SLC4A4: variants seen among roughly 807,000 people sequenced by gnomAD.
SLC4A4 encodes electrogenic sodium bicarbonate cotransporter 1.
A neutral mutation model predicts 111.5 loss-of-function variants in SLC4A4; 27 were observed. The observed-to-expected ratio is 0.24, with a 90% CI of 0.18 to 0.33. The LOEUF (loss-of-function observed/expected upper bound fraction) is 0.33, where lower values mean the gene tolerates loss of function less well. Among genes scored for constraint, SLC4A4 ranks in the 10% least tolerant of loss-of-function variants. The pLI is 1.00. For synonymous variants in SLC4A4, 443 were observed against 463.4 expected, an observed-to-expected ratio of 0.96 and a Z score of 0.57; for missense variants, 909 against 1,315.5, an observed-to-expected ratio of 0.69 and a Z score of 4.78.
intron 16 of SLC4A4, among the ~76,000 whole-genome samples, chr4:71,500,390 C>T (rs1229411075): frequency 6.6e-6 from 1 of 152,084 alleles, no homozygotes; most frequent in East Asian, 1.9e-4. Flanking sequence ...TAATCTTTGC[C>T]CAGACTAATG....
chr4:71,508,790 C>A (rs1011972063), intron 16 of SLC4A4, among the ~76,000 whole-genome samples: 3 of 152,170 alleles, frequency 2.0e-5, no homozygotes, highest in African/African-American at 7.2e-5. Context: ...CAAAACCTGG[C>A]AGAGATACAA....
chr4:71,276,297 C>G (rs1267933057), intron 3 of SLC4A4, among the ~76,000 whole-genome samples: 1 of 152,112 alleles, frequency 6.6e-6, no homozygotes, highest in Admixed American at 6.5e-5. Context: ...GACATTGGTA[C>G]GATGTGTGAC....
intron 2 of SLC4A4, among the ~76,000 whole-genome samples, chr4:71,100,821 T>G (rs1170352554): frequency 6.6e-6 from 1 of 152,008 alleles, no homozygotes; most frequent in Non-Finnish European, 1.5e-5. Context: ...GAGAGCCAAA[T>G]GAGGAAGACA....
Position 71,397,596 on chromosome 4 carries a change from T to C in SLC4A4, c.750T>C (p.His250=), listed in dbSNP as rs1719943900. 2 of 1,613,812 alleles carry C rather than the reference T, an allele frequency of 1.2e-6. No individual in the cohort carries two copies. Among genetic ancestry groups the C allele is most frequent in the Admixed American group, 1.7e-5 (1 of 59,992 alleles). The part of the protein sequence containing the change: ...NPDNGSPAMT[H]RNLTSSSLND... ...TTCCAGGTAGCCCAGCCATGACCCA[T>C]AGGAATCTGACTTCCTCCAGTCTGA... Residue 250 remains histidine (H), a synonymous_variant, in exon 7 of 26, where the codon CAT becomes CAC. Coordinates refer to ENST00000264485, the MANE Select transcript of SLC4A4 (RefSeq NM_001098484.3).
At chr4:71,246,850 C>T (rs1181554331) in intron 2 of SLC4A4, among the ~76,000 whole-genome samples, 1 of 152,082 alleles carries the variant, frequency 6.6e-6, no homozygotes, top group Non-Finnish European at 1.5e-5. Flanking sequence ...CACTAGGAGT[C>T]CTAGTCTCTA....
At chr4:71,145,822 T>G (rs978070519) in intron 2 of SLC4A4, among the ~76,000 whole-genome samples, 25 of 152,346 alleles carry the variant, frequency 1.6e-4, no homozygotes, top group African/African-American at 6.0e-4. Context: ...CTTGCGTCTA[T>G]TTGATTCTTC....
rs537197059 is a variant in SLC4A4 at position 71,075,710 on chromosome 4, C to T, written c.-65+12922C>T. Reference sequence around the variant, plus strand: ...CACGGCCGGGCGCGGTGGCTCACGCCTGTAATCCCAGCATTTTGGGAGGCC... The same window carrying T: ...CACGGCCGGGCGCGGTGGCTCACGCTTGTAATCCCAGCATTTTGGGAGGCC... On this transcript the variant is annotated intron_variant, in intron 1 of 26. Coordinates refer to the SLC4A4 transcript ENST00000649996. Among the ~76,000 whole-genome samples the T allele has an allele frequency of 4.6e-5, 7 of 152,280 alleles. No homozygotes were observed. In the South Asian group the frequency reaches 1.5e-3, roughly 32 times the overall value.
chr4:71,476,330 A>C (rs1169334803), intron 14 of SLC4A4, among the ~76,000 whole-genome samples: 13 of 151,810 alleles, frequency 8.6e-5, no homozygotes, highest in Admixed American at 7.9e-4. Flanking sequence ...ATAGAGCTCA[A>C]GTAAATATTC....
At chr4:71,339,990 G>A (rs75880033) in intron 4 of SLC4A4, among the ~76,000 whole-genome samples, 2 of 151,828 alleles carry the variant, frequency 1.3e-5, no homozygotes, top group South Asian at 2.1e-4. Flanking sequence ...GGCCGAGGCA[G>A]GTGGATTGCC....
At chr4:71,502,807 C>T (rs913329341) in intron 16 of SLC4A4, among the ~76,000 whole-genome samples, 1 of 152,110 alleles carries the variant, frequency 6.6e-6, no homozygotes, top group Non-Finnish European at 1.5e-5. Context: ...TATTCTGTAG[C>T]AGTTGGATGG....
rs993134212 is a variant in SLC4A4 at position 71,559,955 on chromosome 4, C to T, written c.2938-138C>T. ...GAGTTCACTCGGTATAAGTCCATAC[C>T]GTCAAGATCAGGTCTGTCATACTCT... On this transcript the variant is annotated intron_variant, in intron 22 of 25. Coordinates refer to ENST00000264485, the MANE Select transcript of SLC4A4 (RefSeq NM_001098484.3). 11 of 693,490 alleles carry T rather than the reference C, an allele frequency of 1.6e-5. No homozygotes were observed. In the African/African-American group the frequency reaches 1.6e-4, roughly 10 times the overall value. The allele number at this position is 693,490 out of a possible 1,614,324, so 43.0% of individuals were successfully genotyped here.
chr4:71,143,217 T>A (rs185018608), intron 2 of SLC4A4, among the ~76,000 whole-genome samples: 1 of 152,134 alleles, frequency 6.6e-6, no homozygotes, highest in East Asian at 1.9e-4. Flanking sequence ...TTTGTCCTTG[T>A]GATAGTTTGC....
At chr4:71,215,418 T>G (rs1718371167) in intron 1 of SLC4A4, among the ~76,000 whole-genome samples, 1 of 152,204 alleles carries the variant, frequency 6.6e-6, no homozygotes, top group Admixed American at 6.5e-5. Context: ...TCAAGCACTA[T>G]TCATTTGATT....
chr4:71,168,920 T>G (rs1033035939), intron 2 of SLC4A4, among the ~76,000 whole-genome samples: 2 of 152,234 alleles, frequency 1.3e-5, no homozygotes, highest in East Asian at 1.9e-4. Flanking sequence ...AACATGGGCA[T>G]GCAGATATCT....
At chr4:71,345,590 C>T (rs1010590920) in intron 4 of SLC4A4, among the ~76,000 whole-genome samples, 3 of 152,032 alleles carry the variant, frequency 2.0e-5, no homozygotes, top group Non-Finnish European at 4.4e-5. Flanking sequence ...AATGTACACC[C>T]ACTTGTGTTT....
intron 2 of SLC4A4, among the ~76,000 whole-genome samples, chr4:71,137,376 C>T (rs1743874138): frequency 6.6e-6 from 1 of 152,218 alleles, no homozygotes; most frequent in Admixed American, 6.5e-5. Context: ...AGACATCAGT[C>T]TGCCCAGCAT....
rs1725975436 is a variant in SLC4A4 at position 71,453,777 on chromosome 4, C to CT, written c.1497+111dup. The CT allele has an allele frequency of 3.0e-6, 3 of 1,004,888 alleles. No individual in the cohort carries two copies. In the Admixed American group the frequency reaches 5.5e-5, roughly 18 times the overall value. 62.2% of individuals were successfully genotyped at this position (1,004,888 alleles called of 1,614,324 possible). Reference sequence around the variant, plus strand: ...CCTTTCAGTTACTCAGCGTGATTTTCTTTCTTTTGCTGGATGCTGCATTTT... The same window carrying CT: ...CCTTTCAGTTACTCAGCGTGATTTTCTTTTCTTTTGCTGGATGCTGCATTTT... On this transcript the variant is annotated intron_variant, in intron 12 of 25. Transcript: ENST00000264485.
At chr4:71,294,696 A>G (rs1474111399) in intron 3 of SLC4A4, among the ~76,000 whole-genome samples, 1 of 152,222 alleles carries the variant, frequency 6.6e-6, no homozygotes, top group African/African-American at 2.4e-5. Context: ...ATTTAGGACC[A>G]AAGACAGGGA....
At chr4:71,457,419 T>A (rs996114611) in intron 12 of SLC4A4, among the ~76,000 whole-genome samples, 1 of 152,152 alleles carries the variant, frequency 6.6e-6, no homozygotes, top group African/African-American at 2.4e-5. Context: ...CACAAATTTC[T>A]TGTTAAATGT....
Sources: allele counts gnomAD v4.1 joint callset (sites outside exome capture counted in the v4.1 genomes callset), GRCh38; gene constraint gnomAD v4.1.1; transcripts MANE v1.5; gene names NCBI Gene and HGNC (gene_info 2026-07-23, HGNC 2026-07-21).